Variants in USP44 observed in about 807,000 individuals in gnomAD.
USP44 encodes ubiquitin specific peptidase 44, also known as ubiquitin carboxyl-terminal hydrolase 44.
USP44 carries 61 observed loss-of-function variants against 69.0 expected under a neutral mutation model. That is an observed-to-expected ratio of 0.88 (90% CI 0.72 to 1.09). The LOEUF (loss-of-function observed/expected upper bound fraction) is 1.09. USP44 is among the 50% of genes least tolerant of loss of function. The pLI is 0.00. For missense variants in USP44, 753 were observed against 849.9 expected, an observed-to-expected ratio of 0.89 and a Z score of 1.42; for synonymous variants, 297 against 295.4, an observed-to-expected ratio of 1.01 and a Z score of -0.06.
At chr12:95,523,908 G>A (rs1189036872) in intron 4 of USP44, among the ~76,000 whole-genome samples, 1 of 151,294 alleles carries the variant, frequency 6.6e-6, no homozygotes, top group African/African-American at 2.4e-5. Context: ...ACAGAGTCTC[G>A]CTCTGTCACT....
At chr12:95,550,354 G>A (rs915641486) in intron 1 of USP44, among the ~76,000 whole-genome samples, 13 of 152,000 alleles carry the variant, frequency 8.6e-5, no homozygotes, top group Admixed American at 5.2e-4. Context: ...AGATTAAAGG[G>A]ATGAATTTGC....
chr12:95,550,350 A>G (rs991661682), intron 1 of USP44, among the ~76,000 whole-genome samples: 1 of 152,182 alleles, frequency 6.6e-6, no homozygotes, highest in Non-Finnish European at 1.5e-5. Context: ...ATAAAGATTA[A>G]AGGGATGAAT....
At chr12:95,544,888 A>G (rs529592705) in intron 1 of USP44, among the ~76,000 whole-genome samples, 1 of 152,146 alleles carries the variant, frequency 6.6e-6, no homozygotes, top group Non-Finnish European at 1.5e-5. Context: ...TATAACCACA[A>G]TTTTATCAAT....
At chr12:95,536,898 G>A (rs994910748) in intron 1 of USP44, among the ~76,000 whole-genome samples, 1 of 152,148 alleles carries the variant, frequency 6.6e-6, no homozygotes, top group African/African-American at 2.4e-5. Flanking sequence ...CCCCTTCTAA[G>A]GCCACTCGCT....
intron 2 of USP44, among the ~76,000 whole-genome samples, chr12:95,530,265 GACATTTTGAGA>G (rs2076976610): frequency 6.6e-6 from 1 of 152,168 alleles, no homozygotes; most frequent in Non-Finnish European, 1.5e-5. Context: ...GCCAGGGCCA[GACATTTTGAGA>G]ATTTTCTTGA....
intron 1 of USP44, among the ~76,000 whole-genome samples, chr12:95,534,960 C>T (rs1015422292): frequency 6.6e-6 from 1 of 152,158 alleles, no homozygotes; most frequent in African/African-American, 2.4e-5. Context: ...GGATTACAGG[C>T]GTGAACCACT....
intron 1 of USP44, among the ~76,000 whole-genome samples, chr12:95,543,579 G>A (rs773034962): frequency 5.9e-5 from 9 of 151,832 alleles, no homozygotes; most frequent in South Asian, 4.2e-4. Flanking sequence ...AAAAATCCAC[G>A]CGTGGCAGTG....
intron 5 of USP44, 143 bp from the exon 6 acceptor site, chr12:95,518,496 G>A: frequency 1.2e-6 from 1 of 820,834 alleles, no homozygotes; most frequent in South Asian, 1.9e-5. Flanking sequence ...AGATTGGGCA[G>A]TGTTACCCTG....
At chr12:95,535,607 TTA>T (rs1236053795) in intron 1 of USP44, among the ~76,000 whole-genome samples, 6 of 152,230 alleles carry the variant, frequency 3.9e-5, no homozygotes, top group African/African-American at 1.4e-4. Flanking sequence ...TTAAAAAAGC[TTA>T]TGTGATTTTT....
At chr12:95,529,485 G>A (rs185055079) in intron 2 of USP44, among the ~76,000 whole-genome samples, 1 of 151,586 alleles carries the variant, frequency 6.6e-6, no homozygotes, top group African/African-American at 2.4e-5. Flanking sequence ...GTGCAATGGC[G>A]CAATCTCGGC....
At position 95,537,444 on chromosome 12, in the gene USP44, G is replaced by A. The variant is rs186543041; in HGVS notation, c.-70-3118C>T. Among the ~76,000 whole-genome samples, 258 of 152,046 alleles carry A rather than the reference G, an allele frequency of 1.7e-3. 1 individual carries two copies. The highest frequency in any genetic ancestry group is 5.8e-3 in the African/African-American group (240 of 41,468). On this transcript the variant is annotated intron_variant, in intron 1 of 5. Transcript: ENST00000258499. Reference sequence around the variant, plus strand: ...AGCGATTCTCCTGCCTTAGCCTCCCGAGTAGCTGGGATTACAGGCACACGT... The same window carrying A: ...AGCGATTCTCCTGCCTTAGCCTCCCAAGTAGCTGGGATTACAGGCACACGT...
intron 1 of USP44, among the ~76,000 whole-genome samples, chr12:95,543,097 A>G (rs1227253286): frequency 2.6e-5 from 2 of 78,428 alleles, no homozygotes; most frequent in East Asian, 8.3e-4. Context: ...CAAAAAAAAA[A>G]AAGAAAGAAA....
chr12:95,544,295 T>G (rs1005054418), intron 1 of USP44, among the ~76,000 whole-genome samples: 2 of 151,890 alleles, frequency 1.3e-5, no homozygotes, highest in African/African-American at 4.8e-5. Context: ...GACCTTGTGA[T>G]CCACCCGCCT....
At chr12:95,543,522 G>A (rs904356792) in intron 1 of USP44, among the ~76,000 whole-genome samples, 1 of 151,588 alleles carries the variant, frequency 6.6e-6, no homozygotes, top group Admixed American at 6.6e-5. Flanking sequence ...CAAGAAGGAT[G>A]TTTTTCCAGC....
chr12:95,549,737 T>C (rs1181868618), intron 1 of USP44, among the ~76,000 whole-genome samples: 1 of 152,198 alleles, frequency 6.6e-6, no homozygotes, highest in Non-Finnish European at 1.5e-5. Context: ...CTTTTCATCA[T>C]CAGTTTTATT....
intron 1 of USP44, among the ~76,000 whole-genome samples, chr12:95,549,351 A>T (rs2077680507): frequency 6.6e-6 from 1 of 152,232 alleles, no homozygotes; most frequent in African/African-American, 2.4e-5. Flanking sequence ...GAGAGGTTCC[A>T]GAACGGGCAC....
chr12:95,528,771 C>T (rs763818010), intron 3 of USP44, 36 bp downstream of exon 3: 2 of 1,573,810 alleles, frequency 1.3e-6, no homozygotes, highest in East Asian at 2.3e-5. Context: ...TTTATCATTC[C>T]TAGGAAAGCA....
At position 95,533,333 on chromosome 12, in the gene USP44, T is replaced by C. The variant is rs144515626; in HGVS notation, c.924A>G (p.Gln308=). ...TCTCGCTAGCAGTCATAGCCAGCCATTGGTTCAGATCAAGCTTTAAAAAAC... is the reference window on the plus strand; with the variant it reads ...TCTCGCTAGCAGTCATAGCCAGCCACTGGTTCAGATCAAGCTTTAAAAAAC... ...RQCFLKLDLN[Q]WLAMTASEKT... Residue 308 remains glutamine (Q), a synonymous_variant, in exon 2 of 6, where the codon CAA becomes CAG. Transcript: ENST00000258499. 59 of 1,613,938 alleles carry C rather than the reference T, an allele frequency of 3.7e-5. No individual in the cohort carries two copies. Among genetic ancestry groups the C allele is most frequent in the African/African-American group, 6.7e-5 (5 of 74,928 alleles).
chr12:95,533,454 A>G lies in USP44; in HGVS notation c.803T>C (p.Val268Ala). 2 of 1,614,220 alleles carry G rather than the reference A, an allele frequency of 1.2e-6. No homozygotes were observed. Among genetic ancestry groups the G allele is most frequent in the Non-Finnish European group, 1.7e-6 (2 of 1,180,020 alleles). Residue 268 changes from valine to alanine, a missense_variant, in exon 2 of 6, where the codon GTA (valine) becomes GCA (alanine). Val to Ala is a moderately conservative substitution (Grantham distance 64). Transcript: ENST00000258499. ...SDSSVKRRPI[V>A]TPGVTGLRNL... is the part of the protein sequence containing the mutation. The stretch of plus-strand genomic sequence containing the variant: ...TCTCAATCCTGTTACACCAGGAGTT[A>G]CTATTGGCCTTCGTTTAACTGAGGA...
Sources: allele counts gnomAD v4.1 joint callset (sites outside exome capture counted in the v4.1 genomes callset), GRCh38; gene constraint gnomAD v4.1.1; transcripts MANE v1.5; gene names NCBI Gene and HGNC (gene_info 2026-07-23, HGNC 2026-07-21).